CFAP107: variants seen among roughly 807,000 people sequenced by gnomAD.
CFAP107 encodes the protein cilia and flagella associated protein 107.
At chr1:12,752,532 A>G in the CFAP107 span, among the ~76,000 whole-genome samples, 1 of 136,096 alleles carries the variant, frequency 7.3e-6, no homozygotes, top group African/African-American at 2.9e-5. Flanking sequence ...TCACCACTGC[A>G]CTTCAGCCTG....
chr1:12,746,257 C>T, the CFAP107 span: 1 of 511,542 alleles, frequency 2.0e-6, no homozygotes, highest in Non-Finnish European at 3.6e-6. Flanking sequence ...ACAGTGAACT[C>T]TTGGGGCCGT....
chr1:12,755,077 G>T, the CFAP107 span, among the ~76,000 whole-genome samples: 4 of 152,106 alleles, frequency 2.6e-5, no homozygotes, highest in South Asian at 6.2e-4. Flanking sequence ...AATTTGAAAG[G>T]TGAGAGAGTT....
At chr1:12,759,254 G>A in the CFAP107 span, 2 of 1,575,060 alleles carry the variant, frequency 1.3e-6, no homozygotes, top group Non-Finnish European at 1.7e-6. Context: ...CTCCACCATG[G>A]CCAGGTGGAT....
At chr1:12,754,443 T>G in the CFAP107 span, among the ~76,000 whole-genome samples, 5 of 152,298 alleles carry the variant, frequency 3.3e-5, no homozygotes, top group Non-Finnish European at 7.4e-5. Context: ...TGGAAAACAA[T>G]ATGGGAGTTC....
At chr1:12,747,617 A>G in the CFAP107 span, among the ~76,000 whole-genome samples, 4 of 152,158 alleles carry the variant, frequency 2.6e-5, no homozygotes, top group African/African-American at 9.7e-5. Context: ...TGGTATGGGG[A>G]AAAGAAGGGA....
At chr1:12,759,763 C>T in the CFAP107 span, 6 of 538,282 alleles carry the variant, frequency 1.1e-5, no homozygotes, top group African/African-American at 1.1e-4. Context: ...AACATCCACG[C>T]ATCCTTCCTC....
the CFAP107 span, chr1:12,761,084 T>A: frequency 1.2e-6 from 1 of 842,682 alleles, no homozygotes; most frequent in Non-Finnish European, 1.8e-6. Context: ...CTCAGAATCA[T>A]CATCTGCATT....
At chr1:12,759,161 G>A in the CFAP107 span, 1 of 823,034 alleles carries the variant, frequency 1.2e-6, no homozygotes, top group Non-Finnish European at 2.0e-6. Flanking sequence ...ATAAACAAGT[G>A]TGTTTCTGAA....
chr1:12,759,479 C>T, the CFAP107 span: 2 of 1,614,064 alleles, frequency 1.2e-6, no homozygotes, highest in South Asian at 1.1e-5. Flanking sequence ...TCTGACTTTC[C>T]CCTTCTTGGT....
At chr1:12,757,208 CCAT>C in the CFAP107 span, among the ~76,000 whole-genome samples, 1 of 152,094 alleles carries the variant, frequency 6.6e-6, no homozygotes, top group African/African-American at 2.4e-5. Flanking sequence ...GCCTTTGGAC[CCAT>C]TACAAGCTCT....
chr1:12,760,487 C>T, the CFAP107 span, among the ~76,000 whole-genome samples: 1 of 152,208 alleles, frequency 6.6e-6, no homozygotes, highest in Non-Finnish European at 1.5e-5. Context: ...AGCGAGGCCA[C>T]GCACAACCAC....
At chr1:12,754,265 A>C in the CFAP107 span, among the ~76,000 whole-genome samples, 1 of 152,242 alleles carries the variant, frequency 6.6e-6, no homozygotes, top group African/African-American at 2.4e-5. Flanking sequence ...GCCAATAAAC[A>C]CATAAACATA....
chr1:12,752,089 A>G, the CFAP107 span, among the ~76,000 whole-genome samples: 1 of 152,234 alleles, frequency 6.6e-6, no homozygotes, highest in Admixed American at 6.5e-5. Flanking sequence ...AAGAGGAAGA[A>G]ATAAATTCTA....
the CFAP107 span, among the ~76,000 whole-genome samples, chr1:12,750,408 A>T: frequency 6.6e-6 from 1 of 152,244 alleles, no homozygotes; most frequent in Non-Finnish European, 1.5e-5. Context: ...ATGTAAATGG[A>T]TTAAACTTCC....
chr1:12,760,752 C>T, the CFAP107 span: 13 of 1,609,650 alleles, frequency 8.1e-6, no homozygotes, highest in Non-Finnish European at 1.1e-5. Flanking sequence ...TTCAACTGGA[C>T]CCTGGTTTCT....
the CFAP107 span, among the ~76,000 whole-genome samples, chr1:12,759,865 G>A: frequency 1.3e-5 from 2 of 152,080 alleles, no homozygotes; most frequent in African/African-American, 2.4e-5. Flanking sequence ...TTCTGGACTC[G>A]GGGAGTTGAC....
the CFAP107 span, chr1:12,761,590 G>T: frequency 3.3e-5 from 5 of 150,304 alleles, no homozygotes; most frequent in African/African-American, 4.9e-5. Context: ...AGGCTGGAGT[G>T]CCGTGGCACG....
the CFAP107 span, chr1:12,760,906 G>A: frequency 1.1e-5 from 18 of 1,613,720 alleles, no homozygotes; most frequent in East Asian, 1.6e-4. Context: ...GGGAGCATGC[G>A]GTCCCGGTCC....
At chr1:12,759,495 T>C in the CFAP107 span, 5 of 1,613,996 alleles carry the variant, frequency 3.1e-6, no homozygotes, top group Admixed American at 1.7e-5. Context: ...TTGGTACCTT[T>C]ATAATTCAGG....
Sources: allele counts gnomAD v4.1 joint callset (sites outside exome capture counted in the v4.1 genomes callset), GRCh38; gene constraint gnomAD v4.1.1; transcripts MANE v1.5; gene names NCBI Gene and HGNC (gene_info 2026-07-23, HGNC 2026-07-21).